SHISA9: variants seen among roughly 807,000 people sequenced by gnomAD.
The protein encoded by SHISA9 is protein shisa-9.
Under a neutral mutation model 38.0 loss-of-function variants are expected in SHISA9, and 13 were observed. The observed-to-expected ratio is 0.34, with a 90% CI of 0.22 to 0.54. The LOEUF (loss-of-function observed/expected upper bound fraction) is 0.54, where lower values mean the gene tolerates loss of function less well. Ranked by LOEUF, SHISA9 falls within the 20% of genes least tolerant of loss-of-function variation. The pLI is 0.91. For missense variants in SHISA9, 538 were observed against 575.8 expected (o/e 0.93, Z 0.67); for synonymous variants, 275 against 242.0 (o/e 1.14, Z -1.27).
At chr16:12,912,196 C>A in intron 1 of SHISA9, among the ~76,000 whole-genome samples, 1 of 149,194 alleles carries the variant, frequency 6.7e-6, no homozygotes, top group African/African-American at 2.4e-5. Context: ...GTGAGCGAGC[C>A]CCACTTCAAA....
intron 2 of SHISA9, among the ~76,000 whole-genome samples, chr16:12,993,402 C>G (rs375714684): frequency 6.6e-6 from 1 of 152,108 alleles, no homozygotes; most frequent in Non-Finnish European, 1.5e-5. Context: ...TATCTGGTCT[C>G]GGTTTTTCCT....
At position 12,988,121 on chromosome 16, in the gene SHISA9, A is replaced by G. The variant is rs568884675; in HGVS notation, c.691+71306A>G. Reference sequence around the variant, plus strand: ...ATATCCCAAAGGCAGCAATGCACTGAGACTCCTGTGTCTCTAGGCTCCAGT... The same window carrying G: ...ATATCCCAAAGGCAGCAATGCACTGGGACTCCTGTGTCTCTAGGCTCCAGT... On this transcript the variant is annotated intron_variant, in intron 2 of 4. Coordinates refer to ENST00000558583, the MANE Select transcript of SHISA9 (RefSeq NM_001145204.3). 5.9e-5 allele frequency among the ~76,000 whole-genome samples: 9 copies of G among 152,360 alleles called. No homozygotes were observed. The South Asian group carries it at 1.9e-3, about 32-fold the overall frequency.
intron 2 of SHISA9, among the ~76,000 whole-genome samples, chr16:13,086,970 C>G (rs1279347979): frequency 8.7e-5 from 13 of 148,644 alleles, no homozygotes; most frequent in Admixed American, 8.1e-4. Context: ...CCAAGCCCCC[C>G]ACCCCCCAAC....
chr16:12,914,240 T>A (rs1313620920), intron 1 of SHISA9, among the ~76,000 whole-genome samples: 1 of 152,034 alleles, frequency 6.6e-6, no homozygotes, highest in Non-Finnish European at 1.5e-5. Context: ...GAGATGGGGT[T>A]TCACCATGTT....
chr16:13,372,246 A>C, the SHISA9 span, among the ~76,000 whole-genome samples: 2 of 152,166 alleles, frequency 1.3e-5, no homozygotes, highest in Non-Finnish European at 2.9e-5. Context: ...GGAATTATTA[A>C]ACCTCAGAGT....
chr16:13,165,736 G>T (rs752891819), intron 2 of SHISA9, among the ~76,000 whole-genome samples: 1 of 152,146 alleles, frequency 6.6e-6, no homozygotes, highest in South Asian at 2.1e-4. Context: ...ACAGTATCAC[G>T]TGCTGATCAG....
At chr16:13,470,929 GAGA>G in the SHISA9 span, among the ~76,000 whole-genome samples, 5 of 152,020 alleles carry the variant, frequency 3.3e-5, no homozygotes, top group Non-Finnish European at 7.4e-5. Context: ...AGTTTGCTGA[GAGA>G]AGATTTCAAG....
chr16:13,026,843 A>T (rs1471486992), intron 2 of SHISA9, among the ~76,000 whole-genome samples: 1 of 152,186 alleles, frequency 6.6e-6, no homozygotes, highest in African/African-American at 2.4e-5. Flanking sequence ...GATGCTTAGT[A>T]TTATTTCCAT....
the SHISA9 span, among the ~76,000 whole-genome samples, chr16:13,394,531 A>G: frequency 6.6e-6 from 1 of 152,188 alleles, no homozygotes; most frequent in South Asian, 2.1e-4. Context: ...AGCCAATAAC[A>G]CATTCTCTTC....
intron 2 of SHISA9, among the ~76,000 whole-genome samples, chr16:12,995,457 A>G (rs1032971122): frequency 6.6e-6 from 1 of 152,180 alleles, no homozygotes; most frequent in Admixed American, 6.5e-5. Context: ...TCAAGAATTT[A>G]CATTTTAAGA....
chr16:13,231,827 G>A (rs1350236402), intron 4 of SHISA9, among the ~76,000 whole-genome samples: 1 of 152,182 alleles, frequency 6.6e-6, no homozygotes, highest in Non-Finnish European at 1.5e-5. Context: ...CTGAAACCAA[G>A]GGTTTCCGTC....
the SHISA9 span, among the ~76,000 whole-genome samples, chr16:13,358,360 C>A: frequency 6.6e-6 from 1 of 152,148 alleles, no homozygotes; most frequent in Non-Finnish European, 1.5e-5. Context: ...AAAAGTCTCT[C>A]TTCTAATGCT....
chr16:13,123,653 C>T (rs1034980632), intron 2 of SHISA9, among the ~76,000 whole-genome samples: 7 of 152,180 alleles, frequency 4.6e-5, no homozygotes, highest in African/African-American at 1.7e-4. Context: ...TAGGTAAAGG[C>T]TTCATTTGAG....
chr16:12,979,087 A>C (rs1445489431), intron 2 of SHISA9, among the ~76,000 whole-genome samples: 1 of 152,192 alleles, frequency 6.6e-6, no homozygotes, highest in East Asian at 1.9e-4. Flanking sequence ...TGTGGATTCT[A>C]CATTGCATTA....
At chr16:13,055,434 T>G (rs17174748) in intron 2 of SHISA9, among the ~76,000 whole-genome samples, 1 of 152,112 alleles carries the variant, frequency 6.6e-6, no homozygotes, top group Non-Finnish European at 1.5e-5. Context: ...CATAGTAAAC[T>G]CCACCTAAGT....
intron 2 of SHISA9, among the ~76,000 whole-genome samples, chr16:13,156,196 G>A (rs2050545157): frequency 6.6e-6 from 1 of 152,084 alleles, no homozygotes; most frequent in Non-Finnish European, 1.5e-5. Context: ...GTCTGAGCCG[G>A]TGCTTACCTA....
At chr16:13,177,076 A>G (rs1725790791) in intron 2 of SHISA9, among the ~76,000 whole-genome samples, 1 of 152,174 alleles carries the variant, frequency 6.6e-6, no homozygotes, top group South Asian at 2.1e-4. Context: ...AGCTCAGCCC[A>G]CCATCAGGAA....
At chr16:12,967,908 A>G (rs535053499) in intron 2 of SHISA9, among the ~76,000 whole-genome samples, 20 of 152,276 alleles carry the variant, frequency 1.3e-4, no homozygotes, top group African/African-American at 4.1e-4. Flanking sequence ...TCCAGAGCTA[A>G]GCCAGGCATG....
chr16:13,205,349 C>A (rs1444302832), intron 3 of SHISA9, among the ~76,000 whole-genome samples: 1 of 152,198 alleles, frequency 6.6e-6, no homozygotes, highest in African/African-American at 2.4e-5. Flanking sequence ...GGGGGAAATT[C>A]CTTTTCTTTC....
Sources: allele counts gnomAD v4.1 joint callset (sites outside exome capture counted in the v4.1 genomes callset), GRCh38; gene constraint gnomAD v4.1.1; transcripts MANE v1.5; gene names NCBI Gene and HGNC (gene_info 2026-07-23, HGNC 2026-07-21).